Variants in RBFOX2 observed in about 807,000 individuals in gnomAD.
The protein encoded by RBFOX2 is RNA binding protein fox-1 homolog 2.
Under a neutral mutation model 49.1 loss-of-function variants are expected in RBFOX2, and 10 were observed. The ratio of observed to expected loss-of-function variants is 0.20; its 90% CI spans 0.13 to 0.35. The LOEUF (loss-of-function observed/expected upper bound fraction) is 0.35. Ranked by LOEUF, RBFOX2 falls within the 10% of genes least tolerant of loss-of-function variation. RBFOX2 has a pLI of 1.00. For missense variants in RBFOX2, 323 were observed against 486.9 expected, an observed-to-expected ratio of 0.66 and a Z score of 3.17; for synonymous variants, 183 against 187.4, an observed-to-expected ratio of 0.98 and a Z score of 0.19.
Position 35,786,458 on chromosome 22 carries a change from A to T in RBFOX2, c.253-4712T>A, listed in dbSNP as rs988143085. Among the ~76,000 whole-genome samples, 3 of 152,366 alleles carry T rather than the reference A, an allele frequency of 2.0e-5. No individual in the cohort carries two copies. In the East Asian group the frequency reaches 5.8e-4, roughly 29 times the overall value. On this transcript the variant is annotated intron_variant, in intron 2 of 11. Transcript: ENST00000405409. ...AAAAATACATAAATTATAAGCATAG[A>T]GCTGAATATTCACAATGAAACGTAC...
chr22:35,753,329 C>T (rs1474317954), intron 9 of RBFOX2, among the ~76,000 whole-genome samples: 1 of 152,158 alleles, frequency 6.6e-6, no homozygotes, highest in Non-Finnish European at 1.5e-5. Flanking sequence ...GTATCCTTTG[C>T]TCCCTCACAT....
At chr22:35,952,102 C>T (rs939315641) in intron 1 of RBFOX2, among the ~76,000 whole-genome samples, 4 of 152,102 alleles carry the variant, frequency 2.6e-5, no homozygotes, top group Non-Finnish European at 5.9e-5. Flanking sequence ...CCTTCACCAT[C>T]CCCAGCCAAA....
chr22:35,782,874 A>AT (rs985000200), intron 2 of RBFOX2, among the ~76,000 whole-genome samples: 1 of 152,088 alleles, frequency 6.6e-6, no homozygotes, highest in Non-Finnish European at 1.5e-5. Flanking sequence ...TTATTTTTTA[A>AT]TTTTTTACTT....
chr22:35,942,739 G>C (rs142911556), upstream of RBFOX2, among the ~76,000 whole-genome samples: 96 of 149,166 alleles, frequency 6.4e-4, no homozygotes, highest in African/African-American at 2.3e-3. Context: ...AAAAAAAAAA[G>C]GTAACTAAAT....
intron 2 of RBFOX2, among the ~76,000 whole-genome samples, chr22:35,790,935 G>A (rs1217134964): frequency 3.9e-5 from 6 of 152,046 alleles, no homozygotes; most frequent in African/African-American, 1.4e-4. Flanking sequence ...TTGAGCATGA[G>A]AGGTCAAGGC....
intron 1 of RBFOX2, among the ~76,000 whole-genome samples, chr22:35,856,626 G>A (rs2042539947): frequency 6.8e-6 from 1 of 146,132 alleles, no homozygotes; most frequent in Non-Finnish European, 1.5e-5. Flanking sequence ...GAGGCCAGGA[G>A]GGGAAAAAAA....
At chr22:35,836,513 T>A (rs925548028) in intron 1 of RBFOX2, 5 of 152,294 alleles carry the variant, frequency 3.3e-5, no homozygotes, top group African/African-American at 1.2e-4. Context: ...AGCGGCCTGC[T>A]GCCACATGGA....
chr22:35,796,857 C>T (rs1340804824), intron 2 of RBFOX2, among the ~76,000 whole-genome samples: 1 of 152,126 alleles, frequency 6.6e-6, no homozygotes. Context: ...CTGTCGAGCT[C>T]ATAGTGGAGG....
intron 1 of RBFOX2, among the ~76,000 whole-genome samples, chr22:35,900,168 C>T (rs2048391235): frequency 6.6e-6 from 1 of 152,136 alleles, no homozygotes; most frequent in Admixed American, 6.5e-5. Flanking sequence ...GGTTGGAGTG[C>T]AGTGGCATGA....
At chr22:35,843,346 G>A (rs574616695), upstream of RBFOX2, among the ~76,000 whole-genome samples, 19 of 152,298 alleles carry the variant, frequency 1.2e-4, no homozygotes, top group African/African-American at 4.6e-4. Flanking sequence ...CAAATCCCCA[G>A]CTTTCAGGAC....
intron 1 of RBFOX2, among the ~76,000 whole-genome samples, chr22:36,020,817 C>T (rs2059216414): frequency 6.6e-6 from 1 of 152,092 alleles, no homozygotes; most frequent in Admixed American, 6.6e-5. Context: ...ACTAGTTCAA[C>T]CATTGTGGAA....
intron 1 of RBFOX2, among the ~76,000 whole-genome samples, chr22:35,988,941 G>A (rs2057844670): frequency 6.6e-6 from 1 of 152,218 alleles, no homozygotes; most frequent in South Asian, 2.1e-4. Flanking sequence ...TGTAATCCCA[G>A]CATCTTGGGA....
intron 2 of RBFOX2, among the ~76,000 whole-genome samples, chr22:35,785,782 A>G (rs936878263): frequency 6.6e-6 from 1 of 152,224 alleles, no homozygotes; most frequent in Non-Finnish European, 1.5e-5. Flanking sequence ...ATGTTCTGTG[A>G]AAGTGTACGG....
chr22:35,851,164 A>G (rs1386635329), intron 1 of RBFOX2, among the ~76,000 whole-genome samples: 4 of 152,174 alleles, frequency 2.6e-5, no homozygotes, highest in Admixed American at 2.6e-4. Context: ...GATTTTTAAG[A>G]GTCAAAATGG....
At chr22:35,833,602 C>T (rs909330697) in intron 1 of RBFOX2, among the ~76,000 whole-genome samples, 2 of 152,068 alleles carry the variant, frequency 1.3e-5, no homozygotes, top group Non-Finnish European at 2.9e-5. Flanking sequence ...AGATGATTGA[C>T]AAGTGATACA....
chr22:35,788,063 C>T (rs934880025), intron 2 of RBFOX2, among the ~76,000 whole-genome samples: 3 of 152,202 alleles, frequency 2.0e-5, no homozygotes, highest in African/African-American at 7.2e-5. Flanking sequence ...TTTTAAGTCT[C>T]AGAATCTCAT....
At chr22:36,024,106 C>T (rs962883489) in intron 1 of RBFOX2, among the ~76,000 whole-genome samples, 9 of 152,190 alleles carry the variant, frequency 5.9e-5, no homozygotes, top group Admixed American at 2.6e-4. Context: ...ATTCAAAGTG[C>T]CTGGAAAATT....
chr22:35,942,319 A>G (rs956902196), upstream of RBFOX2, among the ~76,000 whole-genome samples: 8 of 152,202 alleles, frequency 5.3e-5, no homozygotes, highest in Admixed American at 4.6e-4. Context: ...TAGTAGGAAT[A>G]TAAGTATATT....
intron 1 of RBFOX2, among the ~76,000 whole-genome samples, chr22:35,925,685 A>C (rs1432538077): frequency 6.6e-6 from 1 of 152,230 alleles, no homozygotes; most frequent in Non-Finnish European, 1.5e-5. Context: ...TAAGTAAAGG[A>C]ATTAGAATTC....
Sources: allele counts gnomAD v4.1 joint callset (sites outside exome capture counted in the v4.1 genomes callset), GRCh38; gene constraint gnomAD v4.1.1; transcripts MANE v1.5; gene names NCBI Gene and HGNC (gene_info 2026-07-23, HGNC 2026-07-21).